Variants in CADM2 observed in about 807,000 individuals in gnomAD.
CADM2 encodes immunoglobulin superfamily member 4D.
CADM2 carries 12 observed loss-of-function variants against 49.8 expected under a neutral mutation model. That is an observed-to-expected ratio of 0.24 (90% CI 0.15 to 0.39). The LOEUF (loss-of-function observed/expected upper bound fraction) is 0.39. Among genes scored for constraint, CADM2 ranks in the 10% least tolerant of loss-of-function variants. The pLI, the probability that CADM2 is intolerant of heterozygous loss-of-function variation, is 1.00. For missense variants in CADM2, 378 were observed against 492.3 expected (o/e 0.77, Z 2.20); for synonymous variants, 214 against 175.4 (o/e 1.22, Z -1.74).
intron 1 of CADM2, among the ~76,000 whole-genome samples, chr3:85,346,237 T>A (rs1450923320): frequency 6.6e-6 from 1 of 152,226 alleles, no homozygotes; most frequent in Non-Finnish European, 1.5e-5. Context: ...TTAGTAACCA[T>A]GATAAGTTGC....
intron 2 of CADM2, among the ~76,000 whole-genome samples, chr3:85,777,835 G>A (rs111944854): frequency 2.1e-4 from 32 of 152,200 alleles, no homozygotes; most frequent in African/African-American, 7.0e-4. Context: ...GATAAAAGCC[G>A]GTCTGTACCA....
chr3:85,867,103 GAAAGTTAGAGAAGT>G (rs2075751570), intron 3 of CADM2, among the ~76,000 whole-genome samples: 1 of 152,106 alleles, frequency 6.6e-6, no homozygotes, highest in Non-Finnish European at 1.5e-5. Context: ...CAACATCTTA[GAAAGTTAGAGAAGT>G]AAAGCATCTT....
chr3:85,216,702 C>A (rs1205966307), intron 1 of CADM2, among the ~76,000 whole-genome samples: 1 of 151,974 alleles, frequency 6.6e-6, no homozygotes, highest in Non-Finnish European at 1.5e-5. Flanking sequence ...TACATGTGTA[C>A]TCTTCCAAAA....
At chr3:85,958,009 A>G (rs577127756) in intron 7 of CADM2, among the ~76,000 whole-genome samples, 1 of 152,100 alleles carries the variant, frequency 6.6e-6, no homozygotes, top group African/African-American at 2.4e-5. Flanking sequence ...GTGAACAGGA[A>G]ACCTACAGAA....
intron 1 of CADM2, among the ~76,000 whole-genome samples, chr3:85,394,074 C>A (rs1271782107): frequency 6.6e-6 from 1 of 152,110 alleles, no homozygotes; most frequent in Non-Finnish European, 1.5e-5. Context: ...GGATTACAGG[C>A]GTAAGCCACC....
chr3:85,286,324 G>A lies in CADM2; in HGVS notation c.61+326656G>A, dbSNP rs1366540266. 2.0e-5 allele frequency among the ~76,000 whole-genome samples: 3 copies of A among 152,134 alleles called. No homozygotes were observed. The East Asian group carries it at 5.8e-4, about 29-fold the overall frequency. Reference sequence around the variant, plus strand: ...ACACATTAATTCAACATTCGTAAGAGGAGAGGGTCTCCCTAACAAAGCTGT... The same window carrying A: ...ACACATTAATTCAACATTCGTAAGAAGAGAGGGTCTCCCTAACAAAGCTGT... On this transcript the variant is annotated intron_variant, in intron 1 of 9. Coordinates refer to ENST00000383699, the MANE Select transcript of CADM2 (RefSeq NM_001167675.2).
chr3:85,226,245 C>T (rs2042157999), intron 1 of CADM2, among the ~76,000 whole-genome samples: 1 of 133,402 alleles, frequency 7.5e-6, no homozygotes, highest in Non-Finnish European at 1.7e-5. Flanking sequence ...TCTGTCTGGT[C>T]CTGGATTTTT....
intron 1 of CADM2, among the ~76,000 whole-genome samples, chr3:85,021,188 A>G (rs573585552): frequency 9.2e-5 from 14 of 151,844 alleles, no homozygotes; most frequent in African/African-American, 2.9e-4. Flanking sequence ...AAAGCTGTTT[A>G]TATCATCTTC....
chr3:85,543,473 G>A (rs1378501480), intron 1 of CADM2, among the ~76,000 whole-genome samples: 4 of 83,746 alleles, frequency 4.8e-5, no homozygotes, highest in South Asian at 3.6e-4. Context: ...TAGTAGAAAC[G>A]GGGTTTTACC....
intron 1 of CADM2, among the ~76,000 whole-genome samples, chr3:85,170,686 A>C (rs1459279182): frequency 6.6e-6 from 1 of 152,154 alleles, no homozygotes; most frequent in Non-Finnish European, 1.5e-5. Context: ...GCAGTGCTGA[A>C]CTTTGAAGCT....
rs534305930 is a variant in CADM2, at chr3:85,157,584, T to C, written c.61+197916T>C. Among the ~76,000 whole-genome samples, 21 of 152,256 alleles carry C rather than the reference T, an allele frequency of 1.4e-4. No individual in the cohort carries two copies. The South Asian group carries it at 4.1e-3, about 30-fold the overall frequency. ...TGACAAACCTGAGAAAAACAAGCAT[T>C]GAGTAAAGGATTCCCTATTTAATAA... On this transcript the variant is annotated intron_variant, in intron 1 of 9. Transcript: ENST00000383699.
At chr3:84,963,456 T>A (rs1180901929) in intron 1 of CADM2, among the ~76,000 whole-genome samples, 4 of 152,176 alleles carry the variant, frequency 2.6e-5, no homozygotes, top group Non-Finnish European at 1.5e-5. Context: ...GAAATAATCA[T>A]GCATACATGC....
At chr3:85,168,116 C>T (rs1247425319) in intron 1 of CADM2, among the ~76,000 whole-genome samples, 1 of 152,066 alleles carries the variant, frequency 6.6e-6, no homozygotes, top group African/African-American at 2.4e-5. Flanking sequence ...AGTGCAGTGG[C>T]TCGATCTGGG....
chr3:85,646,221 AGATGATTGG>A (rs1019620530), intron 1 of CADM2, among the ~76,000 whole-genome samples: 22 of 152,036 alleles, frequency 1.4e-4, no homozygotes, highest in Non-Finnish European at 2.9e-4. Flanking sequence ...ACTGTTTCCT[AGATGATTGG>A]GTGCTTAGCT....
intron 7 of CADM2, among the ~76,000 whole-genome samples, chr3:85,960,277 A>T (rs1036380101): frequency 6.6e-6 from 1 of 151,986 alleles, no homozygotes; most frequent in African/African-American, 2.4e-5. Flanking sequence ...TGCCATACCC[A>T]TAGACATCAC....
At chr3:85,543,984 G>A (rs2061606895) in intron 1 of CADM2, among the ~76,000 whole-genome samples, 1 of 152,030 alleles carries the variant, frequency 6.6e-6, no homozygotes, top group South Asian at 2.1e-4. Flanking sequence ...AAACTTCATT[G>A]GCTTCCAATA....
At chr3:85,180,538 G>T (rs989410192) in intron 1 of CADM2, among the ~76,000 whole-genome samples, 21 of 125,786 alleles carry the variant, frequency 1.7e-4, no homozygotes, top group Non-Finnish European at 1.3e-4. Context: ...AAAAAAAAAA[G>T]AGAAGGAGAA....
intron 1 of CADM2, among the ~76,000 whole-genome samples, chr3:85,448,295 T>C (rs1160746256): frequency 7.0e-6 from 1 of 142,688 alleles, no homozygotes; most frequent in East Asian, 2.1e-4. Flanking sequence ...ATCGCGCCAC[T>C]GCACTCCAGC....
At chr3:85,139,114 A>G (rs2039503808) in intron 1 of CADM2, among the ~76,000 whole-genome samples, 1 of 152,154 alleles carries the variant, frequency 6.6e-6, no homozygotes. Context: ...ACACAGACTC[A>G]ACCCTGCCGC....
Sources: allele counts gnomAD v4.1 joint callset (sites outside exome capture counted in the v4.1 genomes callset), GRCh38; gene constraint gnomAD v4.1.1; transcripts MANE v1.5; gene names NCBI Gene and HGNC (gene_info 2026-07-23, HGNC 2026-07-21).